LAMC2: variants seen among roughly 807,000 people sequenced by gnomAD.
LAMC2 encodes laminin subunit gamma-2.
LAMC2 carries 97 observed loss-of-function variants against 140.2 expected under a neutral mutation model. That is an observed-to-expected ratio of 0.69 (90% CI 0.59 to 0.82). The LOEUF (loss-of-function observed/expected upper bound fraction) is 0.82. Among genes scored for constraint, LAMC2 ranks in the 40% least tolerant of loss-of-function variants. The probability of loss-of-function intolerance (pLI) is 0.00; values close to 1 mark genes in which losing one functional copy is unlikely to be tolerated. For missense variants in LAMC2, 1,402 were observed against 1,476.1 expected, an observed-to-expected ratio of 0.95 and a Z score of 0.82; for synonymous variants, 513 against 540.2, an observed-to-expected ratio of 0.95 and a Z score of 0.70.
chr1:183,232,710 C>T lies in LAMC2; in HGVS notation c.2073C>T (p.Tyr691=), dbSNP rs1659836729. The T allele has an allele frequency of 6.2e-7, 1 of 1,613,788 alleles. No homozygotes were observed. Among genetic ancestry groups the T allele is most frequent in the Non-Finnish European group, 8.5e-7 (1 of 1,179,956 alleles). The change falls in exon 14 of 23, where the codon TAC becomes TAT. Residue 691 remains tyrosine, a synonymous_variant. Transcript: ENST00000264144. The part of the protein sequence containing the change: ...LAKVRSQENS[Y]QSRLDDLKMT... Reference sequence around the variant, plus strand: ...AGGTGAGGAGCCAAGAGAACAGCTACCAGAGCCGCCTGGATGACCTCAAGA... The same window carrying T: ...AGGTGAGGAGCCAAGAGAACAGCTATCAGAGCCGCCTGGATGACCTCAAGA...
chr1:183,198,392 C>T (rs1658594321), intron 1 of LAMC2, among the ~76,000 whole-genome samples: 1 of 152,132 alleles, frequency 6.6e-6, no homozygotes, highest in African/African-American at 2.4e-5. Context: ...ATCTGCCCGC[C>T]TTGGCCTCCC....
intron 1 of LAMC2, among the ~76,000 whole-genome samples, chr1:183,204,532 T>G (rs1379539327): frequency 6.6e-6 from 1 of 151,140 alleles, no homozygotes; most frequent in Non-Finnish European, 1.5e-5. Flanking sequence ...CTTGGGAGGC[T>G]GAGGTTGGAG....
At chr1:183,223,845 T>C (rs1047332820) in intron 7 of LAMC2, among the ~76,000 whole-genome samples, 4 of 152,146 alleles carry the variant, frequency 2.6e-5, no homozygotes, top group African/African-American at 9.7e-5. Flanking sequence ...AGTGACTTTA[T>C]GGATGGCTTT....
At chr1:183,246,276 T>G (rs189407387), downstream of LAMC2, among the ~76,000 whole-genome samples, 69 of 152,198 alleles carry the variant, frequency 4.5e-4, no homozygotes, top group African/African-American at 1.6e-3. Context: ...CTTCCCTTGA[T>G]GTACAAATAA....
chr1:183,213,268 G>T (rs1234591459), intron 2 of LAMC2, among the ~76,000 whole-genome samples: 1 of 152,190 alleles, frequency 6.6e-6, no homozygotes, highest in Non-Finnish European at 1.5e-5. Context: ...GCTCCTTCAA[G>T]CCTTGCAAAG....
intron 1 of LAMC2, among the ~76,000 whole-genome samples, chr1:183,187,521 G>C (rs943745363): frequency 4.6e-5 from 7 of 151,710 alleles, no homozygotes; most frequent in African/African-American, 1.5e-4. Flanking sequence ...AAAAAAGGTG[G>C]AGATAAGTAT....
chr1:183,227,028 G>T (rs1659647197), intron 9 of LAMC2, 112 bp downstream of exon 9: 1 of 840,682 alleles, frequency 1.2e-6, no homozygotes. Context: ...GGATTAAGGA[G>T]AGCAGAGCTG....
In LAMC2 at chr1:183,223,314, T is replaced by G. The variant is rs140744499; in HGVS notation, c.943T>G (p.Tyr315Asp). Residue 315 changes from tyrosine to aspartate, a missense_variant, in exon 7 of 23, where the codon TAC becomes GAC. This residue lies in a region of LAMC2 where 723 missense variants were observed against 783.3 expected (regional missense o/e 0.92). Coordinates refer to ENST00000264144, the MANE Select transcript of LAMC2 (RefSeq NM_005562.3). ...ACTGCCTTGTGGGCTCACCAAGACT[T>G]ACACATTCAGGTAAAAAGAGAGACC... ...KTLPCGLTKT[Y>D]TFRLNEHPSN... 6.2e-7 allele frequency: 1 copy of G among 1,614,046 alleles called. No homozygotes were observed. Among genetic ancestry groups the G allele is most frequent in the African/African-American group, 1.3e-5 (1 of 74,926 alleles).
intron 2 of LAMC2, among the ~76,000 whole-genome samples, chr1:183,213,984 G>A (rs1659160365): frequency 6.6e-6 from 1 of 151,490 alleles, no homozygotes; most frequent in South Asian, 2.1e-4. Context: ...AGAATCGCTT[G>A]AACCCGGAAG....
Position 183,236,508 on chromosome 1 carries a change from T to C in LAMC2, c.2505T>C (p.Thr835=). Residue 835 remains threonine, a synonymous_variant, in exon 17 of 23, where the codon ACT becomes ACC. Transcript: ENST00000264144. Reference sequence around the variant, plus strand: ...CCCAGCAGTTGACAAGGGAGGCCACTCAAGCGGAAATTGAAGCAGATAGGT... The same window carrying C: ...CCCAGCAGTTGACAAGGGAGGCCACCCAAGCGGAAATTGAAGCAGATAGGT... ...SLAQQLTREA[T]QAEIEADRSY... 3.7e-6 allele frequency: 6 copies of C among 1,608,758 alleles called. No individual in the cohort carries two copies. The highest frequency in any genetic ancestry group is 5.1e-6 in the Non-Finnish European group (6 of 1,176,814).
rs1233010467 is a variant in LAMC2, at chr1:183,228,630, A to G, written c.1714+11A>G. ...CAGACAAGTGTCGAGGTAGGACTCCACCCCAGGCAGGCTGTGTCTGTGCGT... is the reference window on the plus strand; with the variant it reads ...CAGACAAGTGTCGAGGTAGGACTCCGCCCCAGGCAGGCTGTGTCTGTGCGT... On this transcript the variant is annotated intron_variant, in intron 11 of 22. Coordinates refer to ENST00000264144, the MANE Select transcript of LAMC2 (RefSeq NM_005562.3). The surrounding 1 kb of genome is among the most constrained non-coding windows in gnomAD (Gnocchi z 4.3). 1.9e-6 allele frequency: 3 copies of G among 1,613,584 alleles called. No homozygotes were observed. In the Admixed American group the frequency reaches 5.0e-5, roughly 27 times the overall value.
At chr1:183,221,921 TAG>T (rs1394945672) in intron 5 of LAMC2, among the ~76,000 whole-genome samples, 166 bp from the exon 6 acceptor site, 4 of 152,056 alleles carry the variant, frequency 2.6e-5, no homozygotes, top group Non-Finnish European at 4.4e-5. Context: ...GAGAGCCACA[TAG>T]AGAGATACAT....
At chr1:183,201,937 T>C (rs1393063026) in intron 1 of LAMC2, among the ~76,000 whole-genome samples, 2 of 152,202 alleles carry the variant, frequency 1.3e-5, no homozygotes, top group Non-Finnish European at 1.5e-5. Context: ...ATAAATCTTT[T>C]GACTCCAGCA....
At chr1:183,245,148 T>TG (rs553986040), downstream of LAMC2, among the ~76,000 whole-genome samples, 4 of 152,138 alleles carry the variant, frequency 2.6e-5, no homozygotes, top group African/African-American at 7.2e-5. Flanking sequence ...TCTAGCTGGG[T>TG]GGGGGGGATA....
chr1:183,255,662 G>GTTTTTTTTTTTTTTTTTTTTTT, the LAMC2 span, among the ~76,000 whole-genome samples: 1 of 100,944 alleles, frequency 9.9e-6, no homozygotes, highest in Non-Finnish European at 2.0e-5. Flanking sequence ...ATTCCTAAGG[G>GTTTTTTTTTTTTTTTTTTTTTT]TTTTTTTTTT....
At chr1:183,218,869 A>T (rs3814338) in intron 4 of LAMC2, among the ~76,000 whole-genome samples, 39,072 of 152,090 alleles carry the variant, frequency 0.26, 5,794 homozygotes, top group African/African-American at 0.39. Flanking sequence ...CTAATTAAAC[A>T]TGCTGCGAAA....
At chr1:183,190,772 A>C (rs1286779244) in intron 1 of LAMC2, among the ~76,000 whole-genome samples, 1 of 152,184 alleles carries the variant, frequency 6.6e-6, no homozygotes, top group East Asian at 1.9e-4. Context: ...AGAAGTGTTG[A>C]TTTGTTCACT....
At chr1:183,237,194 A>T (rs1325194427) in intron 17 of LAMC2, among the ~76,000 whole-genome samples, 158 bp from the exon 18 acceptor site, 1 of 152,092 alleles carries the variant, frequency 6.6e-6, no homozygotes, top group Non-Finnish European at 1.5e-5. Flanking sequence ...GGGCATACTG[A>T]CTCATTTTTG....
intron 8 of LAMC2, 69 bp downstream of exon 8, chr1:183,225,789 G>A (rs527265353): frequency 4.8e-6 from 5 of 1,035,668 alleles, no homozygotes; most frequent in East Asian, 2.4e-5. Context: ...GCTCTCTAAG[G>A]TGGCGGCAGT....
Sources: gnomAD v4.1 joint callset for allele counts (sites outside exome capture counted in the v4.1 genomes callset) on GRCh38, gnomAD v4.1.1 for gene constraint, gnomAD v4.1.1 regional missense constraint, Gnocchi (gnomAD v3.1) non-coding constraint, MANE v1.5 for transcripts, NCBI Gene and HGNC (gene_info 2026-07-23, HGNC 2026-07-21) for gene names.